PPARGC1A: variants seen among roughly 807,000 people sequenced by gnomAD.
The protein encoded by PPARGC1A is PPARG coactivator 1 alpha.
Under a neutral mutation model 88.7 loss-of-function variants are expected in PPARGC1A, and 25 were observed. That is an observed-to-expected ratio of 0.28 (90% CI 0.21 to 0.39). The LOEUF is 0.39. Ranked by LOEUF, PPARGC1A falls within the 10% of genes least tolerant of loss-of-function variation. The pLI is 1.00. For missense variants in PPARGC1A, 880 were observed against 968.7 expected, an observed-to-expected ratio of 0.91 and a Z score of 1.22; for synonymous variants, 363 against 355.6, an observed-to-expected ratio of 1.02 and a Z score of -0.24.
chr4:24,096,878 C>T, the PPARGC1A span, among the ~76,000 whole-genome samples: 2 of 152,108 alleles, frequency 1.3e-5, no homozygotes, highest in Non-Finnish European at 2.9e-5. Context: ...AAAACCTATA[C>T]AAAGTGCATC....
chr4:24,347,669 T>A, the PPARGC1A span, among the ~76,000 whole-genome samples: 1 of 152,204 alleles, frequency 6.6e-6, no homozygotes, highest in African/African-American at 2.4e-5. Context: ...GTGATTCTCC[T>A]GAAGACAGCA....
chr4:24,386,421 G>T, the PPARGC1A span, among the ~76,000 whole-genome samples: 1 of 152,114 alleles, frequency 6.6e-6, no homozygotes, highest in Non-Finnish European at 1.5e-5. Context: ...GAAATAAAGG[G>T]TATTCAAATA....
chr4:23,976,562 G>A, the PPARGC1A span, among the ~76,000 whole-genome samples: 5 of 152,152 alleles, frequency 3.3e-5, no homozygotes, highest in Non-Finnish European at 5.9e-5. Context: ...CTTATGTGTT[G>A]AAGTCCTAAT....
chr4:23,931,979 G>C, the PPARGC1A span, among the ~76,000 whole-genome samples: 1 of 152,122 alleles, frequency 6.6e-6, no homozygotes, highest in Non-Finnish European at 1.5e-5. Flanking sequence ...TTGTTAAAAG[G>C]AGTTACTGTT....
At chr4:24,103,470 AG>A in the PPARGC1A span, among the ~76,000 whole-genome samples, 1 of 152,066 alleles carries the variant, frequency 6.6e-6, no homozygotes, top group Non-Finnish European at 1.5e-5. Flanking sequence ...CAGGACAGAG[AG>A]CAGAGCCCTC....
chr4:24,406,681 G>C, the PPARGC1A span, among the ~76,000 whole-genome samples: 1 of 152,176 alleles, frequency 6.6e-6, no homozygotes, highest in South Asian at 2.1e-4. Context: ...GCCCACAGTG[G>C]AAGGTCAAGG....
the PPARGC1A span, among the ~76,000 whole-genome samples, chr4:24,154,048 C>T: frequency 5.3e-5 from 8 of 152,098 alleles, no homozygotes; most frequent in African/African-American, 1.9e-4. Flanking sequence ...ACTCACAAAC[C>T]CAAACCCACT....
the PPARGC1A span, among the ~76,000 whole-genome samples, chr4:24,057,525 T>C: frequency 6.7e-6 from 1 of 149,864 alleles, no homozygotes; most frequent in East Asian, 2.0e-4. Flanking sequence ...TAAATCAAAA[T>C]GAAACAAAAA....
At chr4:24,216,301 C>T in the PPARGC1A span, among the ~76,000 whole-genome samples, 1 of 151,986 alleles carries the variant, frequency 6.6e-6, no homozygotes, top group Non-Finnish European at 1.5e-5. Context: ...GCATGCACCA[C>T]CATGCTCAGC....
At chr4:23,935,688 C>T in the PPARGC1A span, among the ~76,000 whole-genome samples, 1 of 152,150 alleles carries the variant, frequency 6.6e-6, no homozygotes, top group Non-Finnish European at 1.5e-5. Context: ...ATTTGTATCT[C>T]TGTTTTACAT....
At chr4:23,940,971 T>C in the PPARGC1A span, among the ~76,000 whole-genome samples, 1 of 152,228 alleles carries the variant, frequency 6.6e-6, no homozygotes, top group Non-Finnish European at 1.5e-5. Flanking sequence ...CTAGAATGTC[T>C]CATAAAATTA....
the PPARGC1A span, among the ~76,000 whole-genome samples, chr4:24,231,642 T>C: frequency 2.0e-5 from 3 of 152,282 alleles, no homozygotes; most frequent in South Asian, 6.2e-4. Flanking sequence ...CTAGTATCTA[T>C]CAGAAACATT....
the PPARGC1A span, among the ~76,000 whole-genome samples, chr4:24,295,451 G>C: frequency 6.6e-6 from 1 of 152,080 alleles, no homozygotes; most frequent in Non-Finnish European, 1.5e-5. Context: ...AGGTAAAACA[G>C]GATGCTATTG....
At chr4:24,016,856 G>C in the PPARGC1A span, among the ~76,000 whole-genome samples, 1 of 152,138 alleles carries the variant, frequency 6.6e-6, no homozygotes, top group African/African-American at 2.4e-5. Flanking sequence ...GACATTAGGA[G>C]CTGTTTCATA....
chr4:23,818,119 C>T (rs1722314168), intron 7 of PPARGC1A, among the ~76,000 whole-genome samples: 1 of 152,182 alleles, frequency 6.6e-6, no homozygotes, highest in Non-Finnish European at 1.5e-5. Context: ...AAGCCCAAAT[C>T]AACAGTGCTA....
chr4:24,058,167 G>A, the PPARGC1A span, among the ~76,000 whole-genome samples: 1 of 152,152 alleles, frequency 6.6e-6, no homozygotes, highest in Non-Finnish European at 1.5e-5. Context: ...CCGGCCCATC[G>A]CTCCTGCTCT....
the PPARGC1A span, among the ~76,000 whole-genome samples, chr4:23,958,166 T>A: frequency 3.9e-5 from 6 of 152,126 alleles, no homozygotes; most frequent in Non-Finnish European, 8.8e-5. Flanking sequence ...CAGTTCAAGT[T>A]TGAGTCAATT....
At chr4:24,409,976 AGG>A in the PPARGC1A span, among the ~76,000 whole-genome samples, 1 of 152,220 alleles carries the variant, frequency 6.6e-6, no homozygotes. Flanking sequence ...ACAACCAAAG[AGG>A]TTAGCAAGCC....
the PPARGC1A span, among the ~76,000 whole-genome samples, chr4:24,070,277 T>C: frequency 6.6e-6 from 1 of 152,152 alleles, no homozygotes; most frequent in Non-Finnish European, 1.5e-5. Context: ...TGAGAGGAAG[T>C]TCCCACCAGT....
Sources: gnomAD v4.1 joint callset for allele counts (sites outside exome capture counted in the v4.1 genomes callset) on GRCh38, gnomAD v4.1.1 for gene constraint, MANE v1.5 for transcripts, NCBI Gene and HGNC (gene_info 2026-07-23, HGNC 2026-07-21) for gene names.